PVT1: variants seen among roughly 807,000 people sequenced by gnomAD.
PVT1 encodes CXCR4/PVT1 fusion.
intron 4 of PVT1, among the ~76,000 whole-genome samples, chr8:127,993,141 A>G (rs1817063170): frequency 6.6e-6 from 1 of 152,242 alleles, no homozygotes; most frequent in Non-Finnish European, 1.5e-5. Context: ...ATTTTTAGTA[A>G]TAAAGACAGA....
At chr8:127,839,849 G>A (rs1814953049) in intron 2 of PVT1, among the ~76,000 whole-genome samples, 1 of 152,136 alleles carries the variant, frequency 6.6e-6, no homozygotes, top group African/African-American at 2.4e-5. Flanking sequence ...CTGCAGTGTG[G>A]GGTACCCAGC....
At chr8:128,018,943 T>A (rs1554604645) in intron 4 of PVT1, among the ~76,000 whole-genome samples, 1 of 152,216 alleles carries the variant, frequency 6.6e-6, no homozygotes, top group Non-Finnish European at 1.5e-5. Flanking sequence ...AGCCGCGAGG[T>A]TTGTGGCTCA....
intron 5 of PVT1, among the ~76,000 whole-genome samples, chr8:128,077,660 G>A (rs1247001545): frequency 1.3e-5 from 2 of 152,188 alleles, no homozygotes; most frequent in East Asian, 3.8e-4. Flanking sequence ...AACAGGAATG[G>A]TGATCGTTTC....
chr8:127,915,103 G>C (rs1222485859), intron 3 of PVT1, among the ~76,000 whole-genome samples: 3 of 152,006 alleles, frequency 2.0e-5, no homozygotes, highest in African/African-American at 7.2e-5. Flanking sequence ...GGGATTACAG[G>C]TGTGAGCCAC....
At chr8:127,969,285 T>C (rs1816736912) in intron 3 of PVT1, among the ~76,000 whole-genome samples, 1 of 152,182 alleles carries the variant, frequency 6.6e-6, no homozygotes, top group African/African-American at 2.4e-5. Context: ...CTCCAACCCA[T>C]AGTTTGCATC....
chr8:127,963,413 C>T (rs528196042), intron 3 of PVT1, among the ~76,000 whole-genome samples: 1 of 152,286 alleles, frequency 6.6e-6, no homozygotes, highest in African/African-American at 2.4e-5. Flanking sequence ...TGGTTGTTTA[C>T]ACTAGCGTTG....
At chr8:127,849,741 CAT>C (rs1203709267) in intron 2 of PVT1, among the ~76,000 whole-genome samples, 2 of 117,678 alleles carry the variant, frequency 1.7e-5, no homozygotes, top group South Asian at 3.1e-4. Flanking sequence ...ACAGCCTGTA[CAT>C]ATGTGTGTGT....
At chr8:127,913,567 G>C (rs1361873820) in intron 3 of PVT1, among the ~76,000 whole-genome samples, 1 of 142,374 alleles carries the variant, frequency 7.0e-6, no homozygotes, top group Middle Eastern at 3.4e-3. Context: ...TGCCCCATGT[G>C]GGGTCTGCAT....
In PVT1 at chr8:128,091,738, T is replaced by TA. The variant is rs142119734; in HGVS notation, n.1115-4779dup. Reference sequence around the variant, plus strand: ...ATACAGTATTTCATGTATATATACATACATTTATAAGATGTAATAAATTTT... The same window carrying TA: ...ATACAGTATTTCATGTATATATACATAACATTTATAAGATGTAATAAATTTT... On this transcript the variant is annotated intron_variant and non_coding_transcript_variant, in intron 5 of 10. Coordinates refer to ENST00000651587, the Ensembl canonical transcript of PVT1. 2.8e-3 allele frequency among the ~76,000 whole-genome samples: 430 copies of TA among 152,354 alleles called. 3 individuals are homozygous for TA. Among genetic ancestry groups the TA allele is most frequent in the African/African-American group, 9.6e-3 (401 of 41,572 alleles).
chr8:127,864,976 G>A (rs1402219187), intron 2 of PVT1, among the ~76,000 whole-genome samples: 3 of 152,224 alleles, frequency 2.0e-5, no homozygotes, highest in Non-Finnish European at 4.4e-5. Flanking sequence ...CTGGCTAAGA[G>A]GATCTAAGAC....
chr8:127,932,470 C>T (rs542885666), intron 3 of PVT1: 3 of 398,588 alleles, frequency 7.5e-6, no homozygotes, highest in East Asian at 7.1e-5. Context: ...TGCAGGACTT[C>T]GCAGGTGAGC....
intron 4 of PVT1, among the ~76,000 whole-genome samples, chr8:128,023,783 G>A (rs906788621): frequency 2.2e-4 from 33 of 152,096 alleles, no homozygotes; most frequent in African/African-American, 7.2e-4. Context: ...GTGAGATGTC[G>A]ATTGATCTAC....
intron 3 of PVT1, among the ~76,000 whole-genome samples, chr8:127,969,540 A>G (rs1816740620): frequency 2.0e-5 from 3 of 152,156 alleles, no homozygotes; most frequent in African/African-American, 7.2e-5. Flanking sequence ...TCAGATTGGT[A>G]TGCAGCCATT....
At chr8:128,060,263 G>A (rs981593719) in intron 4 of PVT1, among the ~76,000 whole-genome samples, 4 of 152,038 alleles carry the variant, frequency 2.6e-5, no homozygotes, top group Non-Finnish European at 2.9e-5. Context: ...CAAAAAGAAA[G>A]AATTTAGAAC....
intron 4 of PVT1, among the ~76,000 whole-genome samples, chr8:128,036,029 G>A (rs1304411503): frequency 2.0e-5 from 3 of 152,192 alleles, no homozygotes; most frequent in Admixed American, 6.5e-5. Context: ...TTACAGCAGC[G>A]AGAGGAACTA....
intron 2 of PVT1, among the ~76,000 whole-genome samples, chr8:127,822,209 G>GT (rs1311395403): frequency 1.3e-5 from 2 of 152,230 alleles, no homozygotes; most frequent in Admixed American, 6.5e-5. Context: ...TTTAGTGGTT[G>GT]TTTTTTAGAA....
At chr8:128,025,496 C>T (rs1222877106) in intron 4 of PVT1, among the ~76,000 whole-genome samples, 2 of 152,168 alleles carry the variant, frequency 1.3e-5, no homozygotes, top group Non-Finnish European at 2.9e-5. Flanking sequence ...GTCTCCTGTC[C>T]AGCTCACCCC....
intron 3 of PVT1, chr8:127,960,733 C>A: frequency 4.1e-6 from 2 of 489,940 alleles, no homozygotes; most frequent in South Asian, 3.2e-5. Context: ...GCATAGATAA[C>A]TGTTTTCTGT....
chr8:127,846,980 C>CTTTTTTTTTT (rs34437112), intron 2 of PVT1, among the ~76,000 whole-genome samples: 48 of 62,420 alleles, frequency 7.7e-4, no homozygotes, highest in Non-Finnish European at 1.1e-3. Flanking sequence ...TGCACATGGC[C>CTTTTTTTTTT]TTTTTTTTTT....
Sources: allele counts gnomAD v4.1 joint callset (sites outside exome capture counted in the v4.1 genomes callset), GRCh38; gene constraint gnomAD v4.1.1; transcripts MANE v1.5; gene names NCBI Gene and HGNC (gene_info 2026-07-23, HGNC 2026-07-21).